The following RNASEH1 variants were observed in gnomAD, a reference collection of about 807,000 sequenced individuals.
RNASEH1 encodes the protein ribonuclease H type II.
A neutral mutation model predicts 34.6 loss-of-function variants in RNASEH1; 27 were observed. The observed-to-expected ratio is 0.78, with a 90% CI of 0.58 to 1.08. The LOEUF (loss-of-function observed/expected upper bound fraction) is 1.08. Ranked by LOEUF, RNASEH1 falls within the 50% of genes least tolerant of loss-of-function variation. The pLI is 0.00. For missense variants in RNASEH1, 349 were observed against 373.6 expected, an observed-to-expected ratio of 0.93 and a Z score of 0.54; for synonymous variants, 162 against 138.4, an observed-to-expected ratio of 1.17 and a Z score of -1.20.
rs1414856758 is a variant in RNASEH1, at chr2:3,549,121, A to C, written c.510-9T>G. 6.2e-7 allele frequency: 1 copy of C among 1,606,782 alleles called. No individual in the cohort carries two copies. The highest frequency in any genetic ancestry group is 2.2e-5 in the East Asian group (1 of 44,836). On this transcript the variant is annotated splice_polypyrimidine_tract_variant and intron_variant, in intron 4 of 7. Transcript: ENST00000315212. Reference sequence around the variant, plus strand: ...GTCTAATGCCTACATTTCTGTTTCAAAACAGTACAAAAGAAAATAAAAGTA... The same window carrying C: ...GTCTAATGCCTACATTTCTGTTTCACAACAGTACAAAAGAAAATAAAAGTA...
chr2:3,551,114 G>A (rs1441546254), intron 3 of RNASEH1, among the ~76,000 whole-genome samples: 3 of 152,242 alleles, frequency 2.0e-5, no homozygotes, highest in Admixed American at 1.3e-4. Context: ...TAAAAGAGCT[G>A]GGCGAGAGGG....
At chr2:3,550,593 C>A in intron 3 of RNASEH1, 121 bp from the exon 4 acceptor site, 1 of 730,736 alleles carries the variant, frequency 1.4e-6, no homozygotes, top group Non-Finnish European at 2.5e-6. Context: ...ACGCTGCAGA[C>A]GTTTTCTCTC....
chr2:3,550,286 C>G, intron 4 of RNASEH1, 87 bp downstream of exon 4: 1 of 1,151,860 alleles, frequency 8.7e-7, no homozygotes, highest in South Asian at 1.2e-5. Context: ...CAGGTTTTCC[C>G]AATAATCAAA....
intron 2 of RNASEH1, among the ~76,000 whole-genome samples, chr2:3,554,526 G>A (rs1660299804): frequency 6.6e-6 from 1 of 152,180 alleles, no homozygotes; most frequent in African/African-American, 2.4e-5. Flanking sequence ...ACAAAAAACT[G>A]TAAAAGGGGC....
At chr2:3,555,362 A>C (rs1435106606) in intron 2 of RNASEH1, among the ~76,000 whole-genome samples, 1 of 152,212 alleles carries the variant, frequency 6.6e-6, no homozygotes, top group Non-Finnish European at 1.5e-5. Flanking sequence ...TCATGCAGTA[A>C]GCAGTAAGAA....
At chr2:3,547,254 T>G (rs1668841912) in intron 7 of RNASEH1, among the ~76,000 whole-genome samples, 1 of 152,214 alleles carries the variant, frequency 6.6e-6, no homozygotes, top group African/African-American at 2.4e-5. Flanking sequence ...CTTGGCTCAC[T>G]GCAACCTCGA....
chr2:3,547,660 G>GT (rs1668886317), intron 7 of RNASEH1, among the ~76,000 whole-genome samples: 1 of 151,676 alleles, frequency 6.6e-6, no homozygotes, highest in Non-Finnish European at 1.5e-5. Flanking sequence ...GCTAATTTTT[G>GT]TATTTTTTAA....
chr2:3,550,501 G>C (rs1475764284), intron 3 of RNASEH1, 29 bp from the exon 4 acceptor site: 4 of 1,557,034 alleles, frequency 2.6e-6, no homozygotes, highest in Non-Finnish European at 3.5e-6. Context: ...CATGCTGCTG[G>C]GCTGACCTTA....
the RNASEH1 span, chr2:3,531,942 G>A: frequency 3.3e-6 from 1 of 304,776 alleles, no homozygotes; most frequent in Non-Finnish European, 6.2e-6. Context: ...CAAATACCAG[G>A]TTCATGTACC....
At chr2:3,538,472 T>C (rs1251693928), downstream of RNASEH1, among the ~76,000 whole-genome samples, 1 of 152,046 alleles carries the variant, frequency 6.6e-6, no homozygotes, top group East Asian at 1.9e-4. Context: ...CCATTCCCAG[T>C]GTAATAGAGT....
At chr2:3,535,221 C>T in the RNASEH1 span, among the ~76,000 whole-genome samples, 1 of 151,876 alleles carries the variant, frequency 6.6e-6, no homozygotes, top group East Asian at 1.9e-4. Flanking sequence ...AGTTCGAGAC[C>T]AGCCTGACCA....
At chr2:3,548,111 C>T (rs963010828) in intron 6 of RNASEH1, 56 bp from the exon 7 acceptor site, 134 of 1,599,238 alleles carry the variant, frequency 8.4e-5, no homozygotes, top group Non-Finnish European at 1.1e-4. Flanking sequence ...CCTTTTTCAC[C>T]TCCTTAGTCT....
chr2:3,557,700 A>G (rs577394486), intron 1 of RNASEH1: 12 of 452,730 alleles, frequency 2.7e-5, no homozygotes, highest in South Asian at 5.1e-5. Flanking sequence ...CAAGGATCCA[A>G]CTGCAAATAC....
chr2:3,543,335 A>G lies in RNASEH1; in HGVS notation c.*2450T>C, dbSNP rs1232654714. ...TGAAGAAACTATTTTCTGCTCAATTAAACTGCTAACTTGTCTAAAGTTTTT... is the reference window on the plus strand; with the variant it reads ...TGAAGAAACTATTTTCTGCTCAATTGAACTGCTAACTTGTCTAAAGTTTTT... On this transcript the variant is annotated 3_prime_UTR_variant, in exon 8 of 8. Transcript: ENST00000315212. 6.6e-6 allele frequency among the ~76,000 whole-genome samples: 1 copy of G among 152,218 alleles called. No individual in the cohort carries two copies. The highest frequency in any genetic ancestry group is 2.4e-5 in the African/African-American group (1 of 41,452).
At chr2:3,556,715 T>TAGATCATATGCC in intron 2 of RNASEH1, 74 bp downstream of exon 2, 3 of 955,016 alleles carry the variant, frequency 3.1e-6, no homozygotes, top group Non-Finnish European at 5.1e-6. Flanking sequence ...GGTAGCTATA[T>TAGATCATATGCC]AGATCAAATG....
chr2:3,535,785 G>A, the RNASEH1 span, among the ~76,000 whole-genome samples: 1 of 152,256 alleles, frequency 6.6e-6, no homozygotes, highest in Non-Finnish European at 1.5e-5. Flanking sequence ...GCTACCTGGA[G>A]AGGGAGGAGC....
chr2:3,550,055 A>G lies in RNASEH1; in HGVS notation c.509+318T>C, dbSNP rs542335746. The G allele has an allele frequency of 2.7e-5, 7 of 261,008 alleles. No homozygotes were observed. The Admixed American group carries it at 3.5e-4, about 13-fold the overall frequency. 16.2% of individuals were successfully genotyped at this position (261,008 alleles called of 1,614,324 possible). A position where few individuals can be genotyped will look rare whatever the true frequency, so the allele number is the denominator to read the frequency against. ...CAGTTTGGGAGGCCAAGGTGGGAGG[A>G]TCGCTTGAGCCCAGAAGGTGAAGTC... On this transcript the variant is annotated intron_variant, in intron 4 of 7. Transcript: ENST00000315212.
the RNASEH1 span, among the ~76,000 whole-genome samples, chr2:3,536,395 G>A: frequency 6.6e-6 from 1 of 150,860 alleles, no homozygotes; most frequent in Non-Finnish European, 1.5e-5. Flanking sequence ...CCTCCCCTCT[G>A]GGACCAAGCT....
rs149825465 is a variant in RNASEH1 at position 3,541,543 on chromosome 2, G to A, written c.*4242C>T. Among the ~76,000 whole-genome samples the A allele has an allele frequency of 1.3e-5, 2 of 152,272 alleles. No individual in the cohort carries two copies. The highest frequency in any genetic ancestry group is 4.8e-5 in the African/African-American group (2 of 41,554). On this transcript the variant is annotated 3_prime_UTR_variant, in exon 8 of 8. Transcript: ENST00000315212. ...GTGGTATATCCATGCAATACAAAAT[G>A]TGGATTATTGATGTACACAAAATGG...
Sources: allele counts gnomAD v4.1 joint callset (sites outside exome capture counted in the v4.1 genomes callset), GRCh38; gene constraint gnomAD v4.1.1; transcripts MANE v1.5; gene names NCBI Gene and HGNC (gene_info 2026-07-23, HGNC 2026-07-21).